RXFP1: variants seen among roughly 807,000 people sequenced by gnomAD.
RXFP1 encodes relaxin family peptide receptor 1, also known as relaxin receptor 1.
RXFP1 carries 73 observed loss-of-function variants against 89.8 expected under a neutral mutation model. The ratio of observed to expected loss-of-function variants is 0.81; its 90% confidence interval spans 0.67 to 0.99. The LOEUF is 0.99. RXFP1 is among the 50% of genes least tolerant of loss of function. RXFP1 has a pLI of 0.00. For missense variants in RXFP1, 793 were observed against 895.5 expected (o/e 0.89, Z 1.46); for synonymous variants, 277 against 305.5 (o/e 0.91, Z 0.97).
intron 17 of RXFP1, among the ~76,000 whole-genome samples, chr4:158,649,572 C>T (rs1199455406): frequency 6.6e-6 from 1 of 152,046 alleles, no homozygotes; most frequent in Non-Finnish European, 1.5e-5. Context: ...GATTGCACCA[C>T]TGCACTCCCG....
At position 158,587,071 on chromosome 4, in the gene RXFP1, G is replaced by A. The variant is rs1443886057; in HGVS notation, c.188-6330G>A. On this transcript the variant is annotated intron_variant, in intron 2 of 17. Coordinates refer to ENST00000307765, the MANE Select transcript of RXFP1 (RefSeq NM_021634.4). ...ACCCACAAAACAGCCCTGTGTTCTGGGATGCTGTCACTTCACCTAATTTCC... is the reference window on the plus strand; with the variant it reads ...ACCCACAAAACAGCCCTGTGTTCTGAGATGCTGTCACTTCACCTAATTTCC... Among the ~76,000 whole-genome samples, 3 of 152,126 alleles carry A rather than the reference G, an allele frequency of 2.0e-5. No individual in the cohort carries two copies. The East Asian group carries it at 5.8e-4, about 29-fold the overall frequency.
chr4:158,649,404 A>C (rs1772185457), intron 17 of RXFP1, among the ~76,000 whole-genome samples: 1 of 152,174 alleles, frequency 6.6e-6, no homozygotes, highest in Non-Finnish European at 1.5e-5. Context: ...AATTTAGAGA[A>C]GATCATGCCA....
chr4:158,612,308 A>G lies in RXFP1; in HGVS notation c.626A>G (p.His209Arg), dbSNP rs1364634489. The change falls in exon 8 of 18, where the codon CAC (histidine) becomes CGC (arginine). Residue 209 changes from histidine to arginine, a missense_variant. Physicochemically the swap from His to Arg is conservative, Grantham distance 29. Transcript: ENST00000307765. ...RLEWLIIEDNHLSRISPPTFY... is the reference protein window; with the variant it reads ...RLEWLIIEDNRLSRISPPTFY... ...GCTGTCAGGATAATTGAAGATAATC[A>G]CCTCAGTCGAATTTCCCCACCAACA... 1.2e-6 allele frequency: 2 copies of G among 1,612,276 alleles called. No individual in the cohort carries two copies. The highest frequency in any genetic ancestry group is 1.7e-6 in the Non-Finnish European group (2 of 1,179,054).
chr4:158,574,891 TA>T (rs144526156), intron 2 of RXFP1, among the ~76,000 whole-genome samples: 4 of 152,124 alleles, frequency 2.6e-5, no homozygotes, highest in South Asian at 2.1e-4. Context: ...TTCATTTATT[TA>T]AAAAAAACAA....
intron 1 of RXFP1, among the ~76,000 whole-genome samples, chr4:158,557,818 T>G (rs1190361680): frequency 6.6e-6 from 1 of 152,246 alleles, no homozygotes; most frequent in Non-Finnish European, 1.5e-5. Context: ...CTCATCATTG[T>G]CATGGAGTCA....
chr4:158,631,139 T>C (rs928507969), intron 11 of RXFP1, among the ~76,000 whole-genome samples: 3 of 152,226 alleles, frequency 2.0e-5, no homozygotes, highest in Non-Finnish European at 2.9e-5. Flanking sequence ...TGATTCATGC[T>C]GTTAGAACTA....
chr4:158,579,282 G>A (rs1756863997), intron 2 of RXFP1, among the ~76,000 whole-genome samples: 1 of 151,766 alleles, frequency 6.6e-6, no homozygotes, highest in African/African-American at 2.4e-5. Flanking sequence ...TTGTTTTTTT[G>A]TTTTGAGACA....
chr4:158,557,644 G>GT (rs746279144), intron 1 of RXFP1, among the ~76,000 whole-genome samples: 3 of 152,194 alleles, frequency 2.0e-5, no homozygotes, highest in Non-Finnish European at 4.4e-5. Flanking sequence ...GCTTACAGGC[G>GT]TAAGCCACTG....
At chr4:158,554,653 T>C (rs756315688) in intron 1 of RXFP1, among the ~76,000 whole-genome samples, 2 of 152,124 alleles carry the variant, frequency 1.3e-5, no homozygotes, top group Non-Finnish European at 2.9e-5. Flanking sequence ...TGTTGTTTAA[T>C]TTTACTTCCT....
At chr4:158,598,726 G>GA (rs1388585148) in intron 3 of RXFP1, among the ~76,000 whole-genome samples, 1 of 151,436 alleles carries the variant, frequency 6.6e-6, no homozygotes, top group Non-Finnish European at 1.5e-5. Context: ...ATCCTATGCA[G>GA]AAAAAACATT....
rs77376976 is a variant in RXFP1 at position 158,578,379 on chromosome 4, T to A, written c.187+5544T>A. Among the ~76,000 whole-genome samples the A allele has an allele frequency of 6.6e-5, 10 of 152,320 alleles. No individual in the cohort carries two copies. The East Asian group carries it at 1.9e-3, about 29-fold the overall frequency. ...TGACAAACCCAAAAGGAGGGACCTT[T>A]CAGTTTTTCAGCTAGAACTATGATA... On this transcript the variant is annotated intron_variant, in intron 2 of 17. Coordinates refer to ENST00000307765, the MANE Select transcript of RXFP1 (RefSeq NM_021634.4).
At chr4:158,532,502 G>A (rs1194991926) in intron 1 of RXFP1, among the ~76,000 whole-genome samples, 5 of 152,076 alleles carry the variant, frequency 3.3e-5, no homozygotes, top group Non-Finnish European at 7.4e-5. Flanking sequence ...CTGACCAACA[G>A]CATGTGATTT....
intron 11 of RXFP1, among the ~76,000 whole-genome samples, chr4:158,632,843 A>T (rs1768350110): frequency 6.6e-6 from 1 of 152,178 alleles, no homozygotes; most frequent in South Asian, 2.1e-4. Context: ...GGGGCACAAC[A>T]CAGAAATCAA....
At chr4:158,522,789 G>T (rs1302767644) in intron 1 of RXFP1, among the ~76,000 whole-genome samples, 1 of 152,060 alleles carries the variant, frequency 6.6e-6, no homozygotes, top group East Asian at 1.9e-4. Flanking sequence ...AAAACTTTCT[G>T]GGTATCTTTA....
At chr4:158,601,450 T>A (rs910912575) in intron 4 of RXFP1, among the ~76,000 whole-genome samples, 1 of 152,192 alleles carries the variant, frequency 6.6e-6, no homozygotes, top group Non-Finnish European at 1.5e-5. Context: ...TTTGGAGATA[T>A]AGGAATAAAG....
intron 9 of RXFP1, among the ~76,000 whole-genome samples, chr4:158,625,505 G>A (rs1766526954): frequency 6.6e-6 from 1 of 152,006 alleles, no homozygotes; most frequent in African/African-American, 2.4e-5. Flanking sequence ...GAAAACCCCT[G>A]ATATATTCTA....
At position 158,653,160 on chromosome 4, in the gene RXFP1, T is replaced by G. The variant is rs1055787538; in HGVS notation, c.*1105T>G. On this transcript the variant is annotated 3_prime_UTR_variant, in exon 18 of 18. Transcript: ENST00000307765. ...CGTGAGATACTAACTTTTTAACTAG[T>G]TGTTCTTCTCTAGTCTCTACGTTAT... The G allele has an allele frequency of 1.2e-4, 19 of 152,264 alleles. No homozygotes were observed. Among genetic ancestry groups the G allele is most frequent in the African/African-American group, 4.6e-4 (19 of 41,474 alleles). 9.4% of individuals were successfully genotyped at this position (152,264 alleles called of 1,614,324 possible).
chr4:158,555,496 T>C (rs139667174), intron 1 of RXFP1, among the ~76,000 whole-genome samples: 7 of 152,338 alleles, frequency 4.6e-5, no homozygotes, highest in East Asian at 1.9e-4. Context: ...TTGAATTACA[T>C]TGGGACCCAA....
At chr4:158,616,161 C>T (rs891404372) in intron 8 of RXFP1, among the ~76,000 whole-genome samples, 2 of 152,110 alleles carry the variant, frequency 1.3e-5, no homozygotes, top group Admixed American at 1.3e-4. Flanking sequence ...GTGGCTCACA[C>T]CTGTAATCAC....
Sources: allele counts gnomAD v4.1 joint callset (sites outside exome capture counted in the v4.1 genomes callset), GRCh38; gene constraint gnomAD v4.1.1; transcripts MANE v1.5; gene names NCBI Gene and HGNC (gene_info 2026-07-23, HGNC 2026-07-21).